ZCWPW2: variants seen among roughly 807,000 people sequenced by gnomAD.
ZCWPW2 encodes the protein zinc finger CW-type PWWP domain protein 2.
Under a neutral mutation model 46.6 loss-of-function variants are expected in ZCWPW2, and 45 were observed. The ratio of observed to expected loss-of-function variants is 0.96; its 90% CI spans 0.76 to 1.24. The LOEUF (loss-of-function observed/expected upper bound fraction) is 1.24, where lower values mean the gene tolerates loss of function less well. ZCWPW2 is among the 50% of genes most tolerant of loss of function. ZCWPW2 has a pLI of 0.00. For synonymous variants in ZCWPW2, 152 were observed against 137.1 expected (o/e 1.11, Z -0.76); for missense variants, 429 against 403.9 (o/e 1.06, Z -0.53).
At chr3:28,429,961 C>G (rs1011551058) in intron 3 of ZCWPW2, among the ~76,000 whole-genome samples, 5 of 152,228 alleles carry the variant, frequency 3.3e-5, no homozygotes, top group Admixed American at 2.0e-4. Flanking sequence ...GCTTCAAGGA[C>G]AGAGCCCTCA....
intron 6 of ZCWPW2, among the ~76,000 whole-genome samples, chr3:28,509,074 T>A (rs1270048306): frequency 6.6e-6 from 1 of 152,192 alleles, no homozygotes; most frequent in Non-Finnish European, 1.5e-5. Flanking sequence ...TATTTTCTGC[T>A]TCTATAGATT....
Position 28,387,197 on chromosome 3 carries a change from T to C in ZCWPW2, c.-133-3301T>C, listed in dbSNP as rs543424507. Among the ~76,000 whole-genome samples the C allele has an allele frequency of 7.9e-5, 12 of 152,320 alleles. No individual in the cohort carries two copies. In the South Asian group the frequency reaches 2.5e-3, roughly 32 times the overall value. ...TCCAATATTCACTATCTGTCACTTGTAGGCTTAGCAAACCCTTGGACCACC... is the reference window on the plus strand; with the variant it reads ...TCCAATATTCACTATCTGTCACTTGCAGGCTTAGCAAACCCTTGGACCACC... On this transcript the variant is annotated intron_variant, in intron 1 of 9. Transcript: ENST00000383768.
At chr3:28,439,738 G>T (rs776304994) in intron 4 of ZCWPW2, among the ~76,000 whole-genome samples, 4 of 152,118 alleles carry the variant, frequency 2.6e-5, no homozygotes, top group Non-Finnish European at 5.9e-5. Flanking sequence ...CCTAAATGCT[G>T]ATATGAAGTC....
chr3:28,477,326 A>C (rs1431302510), intron 4 of ZCWPW2, among the ~76,000 whole-genome samples: 1 of 152,100 alleles, frequency 6.6e-6, no homozygotes, highest in Non-Finnish European at 1.5e-5. Context: ...GTTTTGTTTG[A>C]TCCTATTGTT....
intron 2 of ZCWPW2, among the ~76,000 whole-genome samples, chr3:28,393,383 T>C (rs1161687328): frequency 6.6e-6 from 1 of 152,104 alleles, no homozygotes; most frequent in Non-Finnish European, 1.5e-5. Flanking sequence ...TATCAATCCT[T>C]CTTAAATTCT....
intron 2 of ZCWPW2, among the ~76,000 whole-genome samples, chr3:28,407,093 T>C (rs1696195319): frequency 6.6e-6 from 1 of 152,128 alleles, no homozygotes; most frequent in South Asian, 2.1e-4. Context: ...TTCCAGAATG[T>C]TGAGATTACA....
At chr3:28,389,822 G>A (rs1280842664) in intron 1 of ZCWPW2, among the ~76,000 whole-genome samples, 1 of 152,196 alleles carries the variant, frequency 6.6e-6, no homozygotes, top group Non-Finnish European at 1.5e-5. Flanking sequence ...AAGAGTTGCA[G>A]TTTGAGTCTA....
chr3:28,365,462 T>C (rs1266894405), intron 1 of ZCWPW2, among the ~76,000 whole-genome samples: 2 of 141,058 alleles, frequency 1.4e-5, no homozygotes, highest in Admixed American at 7.6e-5. Flanking sequence ...GTTGTAGATA[T>C]GCAGCATTAT....
intron 4 of ZCWPW2, among the ~76,000 whole-genome samples, chr3:28,444,384 T>C (rs1697901365): frequency 6.6e-6 from 1 of 152,142 alleles, no homozygotes; most frequent in Non-Finnish European, 1.5e-5. Context: ...GGGGAGGCCA[T>C]CACTGTTGTC....
At chr3:28,371,991 TG>T in intron 1 of ZCWPW2, among the ~76,000 whole-genome samples, 1 of 150,360 alleles carries the variant, frequency 6.7e-6, no homozygotes, top group Non-Finnish European at 1.5e-5. Flanking sequence ...CTCCTCCTCC[TG>T]CTCCTCCTCT....
At chr3:28,423,883 T>C (rs1222880748) in intron 3 of ZCWPW2, among the ~76,000 whole-genome samples, 2 of 152,122 alleles carry the variant, frequency 1.3e-5, no homozygotes, top group Non-Finnish European at 2.9e-5. Context: ...TAATATTATA[T>C]GGATCATATA....
intron 5 of ZCWPW2, among the ~76,000 whole-genome samples, chr3:28,482,906 T>G (rs1699479458): frequency 3.3e-5 from 5 of 152,218 alleles, no homozygotes; most frequent in Admixed American, 3.3e-4. Context: ...TGTCGCTCTT[T>G]TATAGGTCTT....
At chr3:28,480,044 CTT>C (rs1380663811) in intron 5 of ZCWPW2, among the ~76,000 whole-genome samples, 1 of 152,048 alleles carries the variant, frequency 6.6e-6, no homozygotes, top group African/African-American at 2.4e-5. Flanking sequence ...GTGCATGTGT[CTT>C]TATAATAGAA....
chr3:28,350,088 G>A lies in ZCWPW2; in HGVS notation c.-134+885G>A, dbSNP rs562455471. 3.0e-4 allele frequency among the ~76,000 whole-genome samples: 45 copies of A among 152,298 alleles called. No homozygotes were observed. In the South Asian group the frequency reaches 9.3e-3, roughly 32 times the overall value. ...CTTCAATTTACTGGGCTGGAGAATGGAAGAGAGCAGTGTTTTTAATATTTT... is the reference window on the plus strand; with the variant it reads ...CTTCAATTTACTGGGCTGGAGAATGAAAGAGAGCAGTGTTTTTAATATTTT... On this transcript the variant is annotated intron_variant, in intron 1 of 9. Coordinates refer to ENST00000383768, the MANE Select transcript of ZCWPW2 (RefSeq NM_001040432.4).
At chr3:28,372,585 T>C (rs1705371369) in intron 1 of ZCWPW2, among the ~76,000 whole-genome samples, 1 of 152,222 alleles carries the variant, frequency 6.6e-6, no homozygotes, top group East Asian at 1.9e-4. Flanking sequence ...TATTTTTCTG[T>C]GCATTATTTA....
chr3:28,495,096 A>G (rs1187730899), intron 6 of ZCWPW2, among the ~76,000 whole-genome samples: 1 of 151,772 alleles, frequency 6.6e-6, no homozygotes, highest in African/African-American at 2.4e-5. Flanking sequence ...TTCATATGGA[A>G]CCAAAAAAGA....
chr3:28,421,690 G>A (rs865864879), intron 3 of ZCWPW2, among the ~76,000 whole-genome samples: 1 of 151,862 alleles, frequency 6.6e-6, no homozygotes, highest in Admixed American at 6.6e-5. Context: ...AGGATCCCTA[G>A]CCAGTCTATC....
At chr3:28,379,781 C>T (rs371926627) in intron 1 of ZCWPW2, among the ~76,000 whole-genome samples, 3 of 152,016 alleles carry the variant, frequency 2.0e-5, no homozygotes, top group African/African-American at 7.2e-5. Flanking sequence ...GAACCTTTTC[C>T]ATAGCAAAAC....
intron 2 of ZCWPW2, among the ~76,000 whole-genome samples, chr3:28,392,555 A>T (rs995329355): frequency 2.0e-5 from 3 of 152,208 alleles, no homozygotes; most frequent in Non-Finnish European, 4.4e-5. Flanking sequence ...TAGAGTAGAG[A>T]TAATATGTGA....
Sources: allele counts gnomAD v4.1 joint callset (sites outside exome capture counted in the v4.1 genomes callset), GRCh38; gene constraint gnomAD v4.1.1; transcripts MANE v1.5; gene names NCBI Gene and HGNC (gene_info 2026-07-23, HGNC 2026-07-21).